Variants in LHFPL2 observed in about 807,000 individuals in gnomAD.
LHFPL2 encodes the protein LHFPL tetraspan subfamily member 2 protein.
In LHFPL2, 7 loss-of-function variants were observed where a neutral mutation model predicts 17.5. That is an observed-to-expected ratio of 0.40 (90% CI 0.23 to 0.75). LHFPL2 has a LOEUF of 0.75. Ranked by LOEUF, LHFPL2 falls within the 30% of genes least tolerant of loss-of-function variation. The pLI is 0.37. For missense variants in LHFPL2, 241 were observed against 294.8 expected (o/e 0.82, Z 1.34); for synonymous variants, 134 against 116.2 (o/e 1.15, Z -0.99).
At chr5:78,646,431 G>C (rs969095034) in intron 1 of LHFPL2, among the ~76,000 whole-genome samples, 3 of 152,194 alleles carry the variant, frequency 2.0e-5, no homozygotes, top group African/African-American at 7.2e-5. Flanking sequence ...ACCATCCTAA[G>C]TCCTGCACAA....
chr5:78,637,970 G>C (rs151107524), intron 1 of LHFPL2, among the ~76,000 whole-genome samples: 2 of 152,296 alleles, frequency 1.3e-5, no homozygotes, highest in Admixed American at 1.3e-4. Flanking sequence ...CTCAAGTCTT[G>C]TCAGTGCTGG....
At chr5:78,618,851 C>T (rs1359220438) in intron 2 of LHFPL2, among the ~76,000 whole-genome samples, 3 of 152,122 alleles carry the variant, frequency 2.0e-5, no homozygotes, top group Admixed American at 1.3e-4. Context: ...CTTCGGGACT[C>T]GGAGCCTGAG....
chr5:78,541,511 G>A (rs1270110764), intron 3 of LHFPL2, among the ~76,000 whole-genome samples: 2 of 152,166 alleles, frequency 1.3e-5, no homozygotes, highest in East Asian at 1.9e-4. Flanking sequence ...TGTGGAAAAC[G>A]CAAAGTCAGT....
intron 2 of LHFPL2, among the ~76,000 whole-genome samples, chr5:78,581,234 C>A (rs2112443067): frequency 6.6e-6 from 1 of 152,310 alleles, no homozygotes; most frequent in Middle Eastern, 3.4e-3. Context: ...ATGTCATCTG[C>A]AAACAGGGAC....
intron 3 of LHFPL2, among the ~76,000 whole-genome samples, chr5:78,539,733 TA>T (rs1756050894): frequency 6.6e-6 from 1 of 151,330 alleles, no homozygotes; most frequent in African/African-American, 2.4e-5. Context: ...GATGCAGTCC[TA>T]AAACCACATA....
At chr5:78,620,347 G>A (rs1209528177) in intron 2 of LHFPL2, among the ~76,000 whole-genome samples, 1 of 152,058 alleles carries the variant, frequency 6.6e-6, no homozygotes, top group Non-Finnish European at 1.5e-5. Flanking sequence ...ATTTTTTGGT[G>A]GGGTTGTTTG....
chr5:78,558,284 C>G (rs75684978), intron 3 of LHFPL2, among the ~76,000 whole-genome samples: 1 of 152,246 alleles, frequency 6.6e-6, no homozygotes, highest in East Asian at 1.9e-4. Context: ...CACCCCTACA[C>G]GATCCCAGTG....
At chr5:78,573,439 T>G (rs565153110) in intron 2 of LHFPL2, among the ~76,000 whole-genome samples, 1 of 152,324 alleles carries the variant, frequency 6.6e-6, no homozygotes, top group African/African-American at 2.4e-5. Context: ...CCACCCCAAG[T>G]GAATGGCAGG....
chr5:78,611,128 A>C (rs998299860), intron 2 of LHFPL2, among the ~76,000 whole-genome samples: 1 of 152,242 alleles, frequency 6.6e-6, no homozygotes, highest in African/African-American at 2.4e-5. Flanking sequence ...AAAACCAAAC[A>C]AAACATGATA....
At chr5:78,599,215 T>C (rs974257706) in intron 2 of LHFPL2, among the ~76,000 whole-genome samples, 19 of 152,100 alleles carry the variant, frequency 1.2e-4, no homozygotes, top group Non-Finnish European at 2.5e-4. Flanking sequence ...TTAATGTAAA[T>C]TGTACTTTGT....
intron 3 of LHFPL2, among the ~76,000 whole-genome samples, chr5:78,539,714 A>G (rs1756050274): frequency 6.6e-6 from 1 of 151,442 alleles, no homozygotes; most frequent in South Asian, 2.1e-4. Flanking sequence ...TCAGCATCTG[A>G]GTTGGTGGGA....
At chr5:78,592,605 T>C (rs1291915875) in intron 2 of LHFPL2, among the ~76,000 whole-genome samples, 1 of 144,116 alleles carries the variant, frequency 6.9e-6, no homozygotes, top group East Asian at 2.0e-4. Context: ...CTCTTCAACT[T>C]AGTGAAAAAT....
intron 3 of LHFPL2, among the ~76,000 whole-genome samples, chr5:78,559,099 G>A (rs1756657891): frequency 6.6e-6 from 1 of 152,092 alleles, no homozygotes; most frequent in African/African-American, 2.4e-5. Context: ...ATCATTTCTT[G>A]CCAGTGATGC....
intron 3 of LHFPL2, among the ~76,000 whole-genome samples, chr5:78,538,410 T>C (rs1169682612): frequency 6.6e-6 from 1 of 152,212 alleles, no homozygotes. Flanking sequence ...TTTGCTTTTC[T>C]AGGGGGAAAA....
chr5:78,641,419 C>T (rs1745656307), intron 1 of LHFPL2, among the ~76,000 whole-genome samples: 1 of 152,184 alleles, frequency 6.6e-6, no homozygotes, highest in South Asian at 2.1e-4. Flanking sequence ...CAGCGTTAAA[C>T]ATTGTTCATT....
At chr5:78,533,075 G>C (rs970790832) in intron 3 of LHFPL2, among the ~76,000 whole-genome samples, 2 of 152,036 alleles carry the variant, frequency 1.3e-5, no homozygotes, top group African/African-American at 4.8e-5. Context: ...CGATGTGGCC[G>C]AGTAGACCAA....
intron 4 of LHFPL2, among the ~76,000 whole-genome samples, chr5:78,505,472 G>C (rs550747915): frequency 6.6e-6 from 1 of 152,300 alleles, no homozygotes; most frequent in African/African-American, 2.4e-5. Context: ...GGGAAGGGGA[G>C]GGGGAGGAAG....
chr5:78,525,220 C>T (rs768773583), intron 3 of LHFPL2, among the ~76,000 whole-genome samples: 3 of 152,182 alleles, frequency 2.0e-5, no homozygotes, highest in South Asian at 4.1e-4. Flanking sequence ...CTGAGATGAG[C>T]GTCAAATGCT....
At position 78,489,165 on chromosome 5, in the gene LHFPL2, AAG is replaced by A; in HGVS notation, c.431-14_431-13del. On this transcript the variant is annotated splice_polypyrimidine_tract_variant and intron_variant, in intron 4 of 4. Coordinates refer to ENST00000380345, the MANE Select transcript of LHFPL2 (RefSeq NM_005779.3). ...GATAAGGAATAGACCTGCAGAACAA[AAG>A]AGAAAACAGATTAGAAAATCCCCAT... is the stretch of plus-strand genomic sequence containing the variant. 6.2e-7 allele frequency: 1 copy of A among 1,613,232 alleles called. No homozygotes were observed. The highest frequency in any genetic ancestry group is 8.5e-7 in the Non-Finnish European group (1 of 1,179,338).
Sources: gnomAD v4.1 joint callset for allele counts (sites outside exome capture counted in the v4.1 genomes callset) on GRCh38, gnomAD v4.1.1 for gene constraint, MANE v1.5 for transcripts, NCBI Gene and HGNC (gene_info 2026-07-23, HGNC 2026-07-21) for gene names.